Variants in ZFPM1 observed in about 807,000 individuals in gnomAD.
ZFPM1 encodes the protein zinc finger protein ZFPM1.
Under a neutral mutation model 46.3 loss-of-function variants are expected in ZFPM1, and 28 were observed. The ratio of observed to expected loss-of-function variants is 0.60; its 90% confidence interval spans 0.45 to 0.83. ZFPM1 has a LOEUF of 0.83. ZFPM1 is among the 40% of genes least tolerant of loss of function. The pLI is 0.00. For synonymous variants in ZFPM1, 957 were observed against 675.9 expected (o/e 1.42, Z -6.45); for missense variants, 1,878 against 1,432.4 (o/e 1.31, Z -5.02).
intron 3 of ZFPM1, among the ~76,000 whole-genome samples, chr16:88,496,586 CCACCT>C (rs958802295): frequency 6.6e-6 from 1 of 151,828 alleles, no homozygotes; most frequent in Non-Finnish European, 1.5e-5. Context: ...CCTGAAGCCC[CCACCT>C]GGGGGCTTCA....
intron 1 of ZFPM1, among the ~76,000 whole-genome samples, chr16:88,462,314 A>G (rs904789): frequency 0.39 from 58,965 of 152,154 alleles, 12,080 homozygotes; most frequent in African/African-American, 0.49. Context: ...CCTGGAGCTG[A>G]AGTGAGCCCG....
chr16:88,455,599 G>A (rs1013367318), intron 1 of ZFPM1, among the ~76,000 whole-genome samples: 4 of 151,188 alleles, frequency 2.6e-5, no homozygotes, highest in Non-Finnish European at 5.9e-5. Flanking sequence ...GTGCAGAGCG[G>A]AGGGGGCCGA....
chr16:88,506,697 C>A (rs1390480425), intron 3 of ZFPM1, among the ~76,000 whole-genome samples: 1 of 151,872 alleles, frequency 6.6e-6, no homozygotes, highest in African/African-American at 2.4e-5. Context: ...TGTGCAGCTC[C>A]CAGGCTCCTC....
rs556643561 is a variant in ZFPM1, at chr16:88,502,861, G to A, written c.269-11526G>A. 9.9e-5 allele frequency among the ~76,000 whole-genome samples: 15 copies of A among 151,678 alleles called. No individual in the cohort carries two copies. In the South Asian group the frequency reaches 2.3e-3, roughly 23 times the overall value. ...ATGTTCTAAGGGCAGCAGAGGCCACGTGGATGCCCGTTTGTGGGTCTCTGC... is the reference window on the plus strand; with the variant it reads ...ATGTTCTAAGGGCAGCAGAGGCCACATGGATGCCCGTTTGTGGGTCTCTGC... On this transcript the variant is annotated intron_variant, in intron 3 of 9. Transcript: ENST00000319555.
chr16:88,534,392 G>A lies in ZFPM1; in HGVS notation c.2434G>A (p.Ala812Thr), dbSNP rs553459737. 6.8e-7 allele frequency: 1 copy of A among 1,471,890 alleles called. No individual in the cohort carries two copies. The highest frequency in any genetic ancestry group is 2.3e-5 in the Admixed American group (1 of 42,846). 91.2% of individuals were successfully genotyped at this position (1,471,890 alleles called of 1,614,324 possible). The change falls in exon 10 of 10, where the codon GCG becomes ACG. Residue 812 changes from alanine (A) to threonine (T), a missense_variant. Ala to Thr is a moderately conservative substitution (Grantham distance 58, BLOSUM62 0). Transcript: ENST00000319555. ...CCCGCTCCCCGGAGCCCCGGCACCG[G>A]CGCTGGCCGACTACCACGAGTGCAC... ...RRPLPGAPAP[A>T]LADYHECTAC...
chr16:88,523,996 C>T (rs931021207), intron 4 of ZFPM1, among the ~76,000 whole-genome samples: 3 of 152,206 alleles, frequency 2.0e-5, no homozygotes, highest in African/African-American at 4.8e-5. Context: ...AGCACAGTTG[C>T]GGCGCGTGTT....
upstream of ZFPM1, among the ~76,000 whole-genome samples, chr16:88,452,660 G>C (rs1031607190): frequency 1.3e-5 from 2 of 152,276 alleles, no homozygotes; most frequent in East Asian, 1.9e-4. Context: ...TTCCTGAGCC[G>C]GTTGTCACTG....
At chr16:88,458,770 G>A (rs1907669936) in intron 1 of ZFPM1, among the ~76,000 whole-genome samples, 1 of 152,142 alleles carries the variant, frequency 6.6e-6, no homozygotes, top group Non-Finnish European at 1.5e-5. Context: ...ATTTCACAGA[G>A]GGGGAAACTG....
At chr16:88,455,877 C>T (rs116817241) in intron 1 of ZFPM1, among the ~76,000 whole-genome samples, 1,733 of 152,220 alleles carry the variant, frequency 0.011, 27 homozygotes, top group African/African-American at 0.039. Context: ...CGGGGCAGCT[C>T]GGGACCCCCG....
intron 3 of ZFPM1, among the ~76,000 whole-genome samples, chr16:88,512,474 T>C (rs1911023712): frequency 6.6e-6 from 1 of 152,062 alleles, no homozygotes; most frequent in Non-Finnish European, 1.5e-5. Flanking sequence ...TGAAAGGAAG[T>C]CGCAGCCACT....
chr16:88,502,065 C>CCATTT (rs1245793542), intron 3 of ZFPM1, among the ~76,000 whole-genome samples: 1 of 72,904 alleles, frequency 1.4e-5, no homozygotes, highest in African/African-American at 5.1e-5. Context: ...CGCCCCCCCC[C>CCATTT]ATTTATTTAT....
intron 1 of ZFPM1, among the ~76,000 whole-genome samples, chr16:88,468,607 A>G (rs1908269157): frequency 6.6e-6 from 1 of 151,934 alleles, no homozygotes; most frequent in South Asian, 2.1e-4. Context: ...GAAGCCCCCC[A>G]CCAGCCCCAT....
intron 4 of ZFPM1, among the ~76,000 whole-genome samples, chr16:88,522,766 G>A (rs1432415082): frequency 1.3e-5 from 2 of 152,200 alleles, no homozygotes; most frequent in African/African-American, 4.8e-5. Context: ...AAACAGGGTG[G>A]GCTCTAGCGT....
intron 4 of ZFPM1, chr16:88,521,961 AC>A: frequency 6.8e-6 from 1 of 148,018 alleles, no homozygotes; most frequent in Non-Finnish European, 1.5e-5. Context: ...TGGCACAGCC[AC>A]CCCCACTCCC....
rs149059439 is a variant in ZFPM1, at chr16:88,475,359, C to T, written c.41-10580C>T. On this transcript the variant is annotated intron_variant, in intron 1 of 9. Transcript: ENST00000319555. ...CGCGATGGGAGGGAAGGTGTGGGAC[C>T]GGGAAGGGCCTCGCTGAGCTGTGAT... Among the ~76,000 whole-genome samples the T allele has an allele frequency of 4.6e-5, 7 of 152,212 alleles. No individual in the cohort carries two copies. The South Asian group carries it at 1.2e-3, about 27-fold the overall frequency.
chr16:88,455,135 GTGT>G (rs774597371), intron 1 of ZFPM1, among the ~76,000 whole-genome samples: 64 of 49,828 alleles, frequency 1.3e-3, no homozygotes, highest in Middle Eastern at 0.012. Context: ...GTTCTGGGGT[GTGT>G]GTGTGTGTGT....
At chr16:88,525,255 C>T (rs1253950795) in intron 4 of ZFPM1, among the ~76,000 whole-genome samples, 1 of 152,222 alleles carries the variant, frequency 6.6e-6, no homozygotes, top group African/African-American at 2.4e-5. Context: ...CAGGGTCCCA[C>T]GCGTGCTGGC....
At position 88,497,536 on chromosome 16, in the gene ZFPM1, T is replaced by G. The variant is rs796264727; in HGVS notation, c.268+8383T>G. 8.1e-4 allele frequency among the ~76,000 whole-genome samples: 51 copies of G among 63,276 alleles called. No individual in the cohort carries two copies. The South Asian group carries it at 0.014, about 17-fold the overall frequency. 41.5% of individuals were successfully genotyped at this position (63,276 alleles called of 152,430 possible). On this transcript the variant is annotated intron_variant, in intron 3 of 9. Transcript: ENST00000319555. The surrounding 1 kb of genome is among the most constrained non-coding windows in gnomAD (Gnocchi z 5.4). ...GTGGGGCTCAGGGCCCGGGCGGGGA[T>G]GGGGTTCAGCGGGGTCAGGGCGGGG...
At position 88,480,726 on chromosome 16, in the gene ZFPM1, C is replaced by T. The variant is rs1019679968; in HGVS notation, c.41-5213C>T. On this transcript the variant is annotated intron_variant, in intron 1 of 9. Transcript: ENST00000319555. The surrounding 1 kb of genome is among the most constrained non-coding windows in gnomAD (Gnocchi z 4.9). ...CCCAAGGTCACAGAGCCAGGGGCAC[C>T]GCAGGGGCCTCCCCAGGGGCCTCAG... Among the ~76,000 whole-genome samples the T allele has an allele frequency of 6.6e-6, 1 of 152,200 alleles. No homozygotes were observed. Among genetic ancestry groups the T allele is most frequent in the African/African-American group, 2.4e-5 (1 of 41,448 alleles).
Sources: gnomAD v4.1 joint callset for allele counts (sites outside exome capture counted in the v4.1 genomes callset) on GRCh38, gnomAD v4.1.1 for gene constraint, Gnocchi (gnomAD v3.1) non-coding constraint, MANE v1.5 for transcripts, NCBI Gene and HGNC (gene_info 2026-07-23, HGNC 2026-07-21) for gene names.